HERC1: variants seen among roughly 807,000 people sequenced by gnomAD.
HERC1 encodes HECT and RLD domain containing E3 ubiquitin protein ligase family member 1.
A neutral mutation model predicts 554.3 loss-of-function variants in HERC1; 160 were observed. The ratio of observed to expected loss-of-function variants is 0.29; its 90% CI spans 0.25 to 0.33. The LOEUF (loss-of-function observed/expected upper bound fraction) is 0.33. Ranked by LOEUF, HERC1 falls within the 10% of genes least tolerant of loss-of-function variation. HERC1 has a pLI of 1.00. For synonymous variants in HERC1, 2,175 were observed against 2,131.7 expected (o/e 1.02, Z -0.56); for missense variants, 4,919 against 5,918.5 (o/e 0.83, Z 5.54).
chr15:63,788,314 T>C (rs923051479), intron 1 of HERC1, among the ~76,000 whole-genome samples: 1 of 152,190 alleles, frequency 6.6e-6, no homozygotes, highest in Admixed American at 6.5e-5. Flanking sequence ...AACAGTTATT[T>C]ACTGTAAATT....
intron 1 of HERC1, among the ~76,000 whole-genome samples, chr15:63,804,045 T>G (rs542257530): frequency 1.2e-3 from 179 of 152,284 alleles, no homozygotes; most frequent in Non-Finnish European, 1.9e-3. Context: ...AAGGATAATC[T>G]TTTCAACAAA....
At chr15:63,707,394 C>T (rs959841408) in intron 24 of HERC1, among the ~76,000 whole-genome samples, 7 of 152,168 alleles carry the variant, frequency 4.6e-5, no homozygotes, top group African/African-American at 1.7e-4. Flanking sequence ...AACTGGTGAA[C>T]TACAGACAGT....
intron 76 of HERC1, among the ~76,000 whole-genome samples, chr15:63,614,963 T>G (rs1278232255): frequency 1.3e-5 from 2 of 152,148 alleles, no homozygotes; most frequent in Non-Finnish European, 2.9e-5. Context: ...AGATCACAGG[T>G]TGGTGACCTG....
At chr15:63,659,703 A>G in intron 47 of HERC1, 33 bp downstream of exon 47, 1 of 1,504,000 alleles carries the variant, frequency 6.6e-7, no homozygotes, top group East Asian at 2.3e-5. Context: ...AGTAGATGCT[A>G]TAAAATCAAT....
At chr15:63,829,099 C>T (rs1180499879) in intron 1 of HERC1, among the ~76,000 whole-genome samples, 1 of 152,000 alleles carries the variant, frequency 6.6e-6, no homozygotes, top group African/African-American at 2.4e-5. Flanking sequence ...GAATAGGTGT[C>T]AATATGAACC....
At chr15:63,662,486 G>A (rs1368827607) in intron 44 of HERC1, among the ~76,000 whole-genome samples, 1 of 152,184 alleles carries the variant, frequency 6.6e-6, no homozygotes, top group Non-Finnish European at 1.5e-5. Flanking sequence ...CTACAAAAAT[G>A]TAATGCTAAC....
intron 1 of HERC1, among the ~76,000 whole-genome samples, chr15:63,795,844 C>T (rs1031226783): frequency 3.3e-5 from 5 of 152,164 alleles, no homozygotes; most frequent in African/African-American, 1.2e-4. Context: ...GCTAGCAACT[C>T]AGAACTTTTT....
intron 5 of HERC1, among the ~76,000 whole-genome samples, chr15:63,755,750 C>T (rs913960174): frequency 3.9e-5 from 6 of 151,910 alleles, no homozygotes; most frequent in South Asian, 2.1e-4. Context: ...CACTGCACTC[C>T]GGCCTGGGTG....
chr15:63,628,568 GAT>G, intron 70 of HERC1, 107 bp downstream of exon 70: 1 of 1,163,854 alleles, frequency 8.6e-7, no homozygotes. Flanking sequence ...CAGAAGGCTT[GAT>G]GGTTTCACAA....
intron 1 of HERC1, among the ~76,000 whole-genome samples, chr15:63,798,235 T>A (rs1034198522): frequency 6.6e-6 from 1 of 152,198 alleles, no homozygotes; most frequent in Non-Finnish European, 1.5e-5. Flanking sequence ...TTCTCCCCAG[T>A]TCTAGTGTAT....
intron 61 of HERC1, 125 bp downstream of exon 61, chr15:63,640,027 C>T: frequency 1.1e-6 from 1 of 897,162 alleles, no homozygotes. Context: ...AAAATATTTT[C>T]CATTTCTCTT....
intron 34 of HERC1, among the ~76,000 whole-genome samples, chr15:63,681,448 C>T (rs548430156): frequency 1.2e-4 from 19 of 152,230 alleles, no homozygotes; most frequent in African/African-American, 3.9e-4. Flanking sequence ...CCTCCCACCT[C>T]GGCCTCCCAA....
At chr15:63,732,813 G>A in intron 14 of HERC1, 111 bp downstream of exon 14, 1 of 683,668 alleles carries the variant, frequency 1.5e-6, no homozygotes, top group South Asian at 1.9e-5. Flanking sequence ...CCTTGGGGGA[G>A]AGGGGTCTAG....
At chr15:63,804,156 CG>C (rs1160559195) in intron 1 of HERC1, among the ~76,000 whole-genome samples, 1 of 152,134 alleles carries the variant, frequency 6.6e-6, no homozygotes, top group Non-Finnish European at 1.5e-5. Flanking sequence ...CAGACCGAAA[CG>C]TAAGAGCTAA....
In HERC1 at chr15:63,712,868, C is replaced by A. The variant is rs769713606; in HGVS notation, c.4491G>T (p.Arg1497=). The A allele has an allele frequency of 6.2e-7, 1 of 1,613,540 alleles. No individual in the cohort carries two copies. Among genetic ancestry groups the A allele is most frequent in the Admixed American group, 1.7e-5 (1 of 59,986 alleles). Residue 1497 remains arginine (R), a synonymous_variant, in exon 24 of 78, where the codon CGG becomes CGT. Coordinates refer to ENST00000443617, the MANE Select transcript of HERC1 (RefSeq NM_003922.4). ...TRSESLTAES[R]LVHTSPNYRL... ...TATAATTTGGGCTTGTGTGGACTAG[C>A]CGGCTCTCTGCAGTAAGACTTTCAC... is the stretch of plus-strand genomic sequence containing the variant.
At chr15:63,806,868 C>T (rs1017471825) in intron 1 of HERC1, among the ~76,000 whole-genome samples, 1 of 152,240 alleles carries the variant, frequency 6.6e-6, no homozygotes, top group Non-Finnish European at 1.5e-5. Flanking sequence ...CTGCCTCAGC[C>T]TCCCAAACAG....
chr15:63,718,768 T>C lies in HERC1; in HGVS notation c.3857+15A>G. The C allele has an allele frequency of 6.2e-7, 1 of 1,610,572 alleles. No individual in the cohort carries two copies. The highest frequency in any genetic ancestry group is 1.1e-5 in the South Asian group (1 of 90,568). On this transcript the variant is annotated intron_variant, in intron 20 of 77. Coordinates refer to ENST00000443617, the MANE Select transcript of HERC1 (RefSeq NM_003922.4). This position sits in a 1 kb window ranked among gnomAD's most constrained non-coding sequence, Gnocchi z 4.2. Reference sequence around the variant, plus strand: ...AGAGCAAATATTTGTCTGAGGATAGTTTTAAGTTACTTGCCGGCTTTCTCC... The same window carrying C: ...AGAGCAAATATTTGTCTGAGGATAGCTTTAAGTTACTTGCCGGCTTTCTCC...
intron 2 of HERC1, among the ~76,000 whole-genome samples, chr15:63,766,957 C>T (rs562591829): frequency 3.3e-5 from 5 of 151,536 alleles, no homozygotes; most frequent in African/African-American, 1.2e-4. Context: ...GGATTACAGG[C>T]GTGAGCCACC....
intron 2 of HERC1, among the ~76,000 whole-genome samples, chr15:63,767,452 C>G (rs1171037322): frequency 6.6e-6 from 1 of 152,030 alleles, no homozygotes; most frequent in Non-Finnish European, 1.5e-5. Context: ...ATATCCCCAG[C>G]ACTTTGGGAG....
Sources: gnomAD v4.1 joint callset for allele counts (sites outside exome capture counted in the v4.1 genomes callset) on GRCh38, gnomAD v4.1.1 for gene constraint, Gnocchi (gnomAD v3.1) non-coding constraint, MANE v1.5 for transcripts, NCBI Gene and HGNC (gene_info 2026-07-23, HGNC 2026-07-21) for gene names.